Variants in HIRIP3 observed in about 807,000 individuals in gnomAD.
The protein encoded by HIRIP3 is HIRA-interacting protein 3.
Under a neutral mutation model 50.3 loss-of-function variants are expected in HIRIP3, and 40 were observed. That is an observed-to-expected ratio of 0.79 (90% CI 0.62 to 1.03). The LOEUF (loss-of-function observed/expected upper bound fraction) is 1.03, where lower values mean the gene tolerates loss of function less well. HIRIP3 is among the 50% of genes least tolerant of loss of function. HIRIP3 has a pLI of 0.00. For missense variants in HIRIP3, 765 were observed against 705.4 expected (o/e 1.08, Z -0.96); for synonymous variants, 318 against 261.6 (o/e 1.22, Z -2.08).
chr16:29,993,040 A>G lies in HIRIP3; in HGVS notation c.*167T>C, dbSNP rs988354173. ...CTTTATTGAGTCTTAAAAAATAAACACCTTAAAGGGACAGCGTGAAGCTGA... is the reference window on the plus strand; with the variant it reads ...CTTTATTGAGTCTTAAAAAATAAACGCCTTAAAGGGACAGCGTGAAGCTGA... On this transcript the variant is annotated 3_prime_UTR_variant, in exon 7 of 7. Transcript: ENST00000279392. 4.0e-6 allele frequency: 2 copies of G among 502,514 alleles called. No homozygotes were observed. The highest frequency in any genetic ancestry group is 6.6e-6 in the Non-Finnish European group (2 of 303,830). The allele number at this position is 502,514 out of a possible 1,614,324, so 31.1% of individuals were successfully genotyped here.
At position 29,995,452 on chromosome 16, in the gene HIRIP3, T is replaced by A; in HGVS notation, c.77A>T (p.His26Leu). The change falls in exon 2 of 7, where the codon CAT (histidine) becomes CTT (leucine). Residue 26 changes from histidine to leucine, a missense_variant. Physicochemically the swap from His to Leu is moderately conservative, Grantham distance 99 (BLOSUM62 -3). Coordinates refer to ENST00000279392, the MANE Select transcript of HIRIP3 (RefSeq NM_003609.5). ...RGRPDLSTLT[H>L]SIVRRRYLAH... ...TAAGTACCTCCGCCGCACGATGGAA[T>A]GCGTAAGCGTGCTGCAGGGACATGG... 6.2e-7 allele frequency: 1 copy of A among 1,613,498 alleles called. No homozygotes were observed. Among genetic ancestry groups the A allele is most frequent in the African/African-American group, 1.3e-5 (1 of 75,054 alleles).
Position 29,993,542 on chromosome 16 carries a change from C to A in HIRIP3, c.1424G>T (p.Gly475Val), listed in dbSNP as rs766935679. ...CTGCTCCTTCAGGGCCCGACACTTC[C>A]CTAGGGAAGGGGTACCTGGGGCAGA... ...ALGMKGTPSLGKCRALKEQRE... is the reference protein window; with the variant it reads ...ALGMKGTPSLVKCRALKEQRE... Residue 475 changes from glycine (G) to valine (V), a missense_variant, in exon 6 of 7, where the codon GGG (glycine) becomes GTG (valine). Coordinates refer to ENST00000279392, the MANE Select transcript of HIRIP3 (RefSeq NM_003609.5). The A allele has an allele frequency of 6.2e-7, 1 of 1,613,726 alleles. No individual in the cohort carries two copies. Among genetic ancestry groups the A allele is most frequent in the South Asian group, 1.1e-5 (1 of 91,078 alleles).
rs375295069 is a variant in HIRIP3, at chr16:29,995,135, T to C, written c.269A>G (p.Glu90Gly). 34 of 1,614,044 alleles carry C rather than the reference T, an allele frequency of 2.1e-5. No individual in the cohort carries two copies. Among genetic ancestry groups the C allele is most frequent in the Non-Finnish European group, 2.6e-5 (31 of 1,180,014 alleles). The part of the protein sequence containing the change: ...KRPPTPCSDP[E>G]RKRFRFNSES... The stretch of plus-strand genomic sequence containing the variant: ...TGAATTGAAGCGGAACCTTTTTCTC[T>C]CCGGGTCGCTACAAGGGGTGGGAGG... Residue 90 changes from glutamate (E) to glycine (G), a missense_variant, in exon 3 of 7, where the codon GAG (glutamate) becomes GGG (glycine). Coordinates refer to ENST00000279392, the MANE Select transcript of HIRIP3 (RefSeq NM_003609.5).
At chr16:29,995,254 G>T (rs1262910678) in intron 2 of HIRIP3, 37 bp from the exon 3 acceptor site, 2 of 1,613,454 alleles carry the variant, frequency 1.2e-6, no homozygotes, top group Admixed American at 1.7e-5. Flanking sequence ...ATGCACCAAG[G>T]CTGCGCTCAC....
Position 29,994,511 on chromosome 16 carries a change from C to T in HIRIP3, c.634G>A (p.Glu212Lys). The change falls in exon 4 of 7, where the codon GAG becomes AAG. Residue 212 changes from glutamate (E) to lysine (K), a missense_variant. Coordinates refer to ENST00000279392, the MANE Select transcript of HIRIP3 (RefSeq NM_003609.5). ...EPVQRTAKKV[E>K]GNKGTKSLKE... ...AGGCTTTTAGTTCCTTTATTTCCCTCCACCTTCTTTGCTGTCCTCTGAACG... is the reference window on the plus strand; with the variant it reads ...AGGCTTTTAGTTCCTTTATTTCCCTTCACCTTCTTTGCTGTCCTCTGAACG... 1 of 1,614,180 alleles carries T rather than the reference C, an allele frequency of 6.2e-7. No individual in the cohort carries two copies. Among genetic ancestry groups the T allele is most frequent in the Non-Finnish European group, 8.5e-7 (1 of 1,180,044 alleles).
At position 29,994,328 on chromosome 16, in the gene HIRIP3, C is replaced by T. The variant is rs183400729; in HGVS notation, c.817G>A (p.Glu273Lys). Residue 273 changes from glutamate (E) to lysine (K), a missense_variant, in exon 4 of 7, where the codon GAG becomes AAG. Transcript: ENST00000279392. Reference protein sequence around the residue: ...SNGRRKSAREERSCKQKSQAK... With the variant: ...SNGRRKSAREKRSCKQKSQAK... Reference sequence around the variant, plus strand: ...TGGCTTTTCTGCTTACAGCTCCTCTCCTCCCTAGCTGACTTTCTCCGGCCA... The same window carrying T: ...TGGCTTTTCTGCTTACAGCTCCTCTTCTCCCTAGCTGACTTTCTCCGGCCA... 1.2e-5 allele frequency: 20 copies of T among 1,614,174 alleles called. No individual in the cohort carries two copies. The Admixed American group carries it at 3.3e-4, about 27-fold the overall frequency.
intron 3 of HIRIP3, 79 bp downstream of exon 3, chr16:29,995,024 A>G: frequency 2.7e-6 from 4 of 1,509,328 alleles, no homozygotes; most frequent in Non-Finnish European, 3.7e-6. Flanking sequence ...ACGCCTGGGG[A>G]CATAAGAGAT....
chr16:29,993,528 G>A lies in HIRIP3; in HGVS notation c.1438C>T (p.Leu480=). ...GTPSLGKCRA[L]KEQREEAAEV... is the part of the protein sequence containing the mutation. The stretch of plus-strand genomic sequence containing the variant: ...GCTGCCTCCTCCCTCTGCTCCTTCA[G>A]GGCCCGACACTTCCCTAGGGAAGGG... Residue 480 remains leucine, a synonymous_variant, in exon 6 of 7, where the codon CTG becomes TTG. Coordinates refer to ENST00000279392, the MANE Select transcript of HIRIP3 (RefSeq NM_003609.5). The A allele has an allele frequency of 6.2e-7, 1 of 1,613,890 alleles. No individual in the cohort carries two copies. The highest frequency in any genetic ancestry group is 8.5e-7 in the Non-Finnish European group (1 of 1,179,874).
chr16:29,994,492 T>C lies in HIRIP3; in HGVS notation c.653A>G (p.Lys218Arg). The C allele has an allele frequency of 6.2e-7, 1 of 1,614,172 alleles. No homozygotes were observed. Among genetic ancestry groups the C allele is most frequent in the Non-Finnish European group, 8.5e-7 (1 of 1,180,036 alleles). Residue 218 changes from lysine to arginine, a missense_variant, in exon 4 of 7, where the codon AAA becomes AGA. Coordinates refer to ENST00000279392, the MANE Select transcript of HIRIP3 (RefSeq NM_003609.5). ...AKKVEGNKGT[K>R]SLKESEQESE... ...CTCCTGTTCACTTTCCTTCAGGCTT[T>C]TAGTTCCTTTATTTCCCTCCACCTT...
Position 29,995,477 on chromosome 16 carries a change from G to A in HIRIP3, c.66-14C>T. 1.2e-6 allele frequency: 2 copies of A among 1,613,756 alleles called. No homozygotes were observed. The highest frequency in any genetic ancestry group is 1.7e-6 in the Non-Finnish European group (2 of 1,179,908). On this transcript the variant is annotated splice_polypyrimidine_tract_variant and intron_variant, in intron 1 of 6. Coordinates refer to ENST00000279392, the MANE Select transcript of HIRIP3 (RefSeq NM_003609.5). ...TGCGTAAGCGTGCTGCAGGGACATG[G>A]TGTCAGGACGGAGTCCCGACCCACC...
At position 29,993,721 on chromosome 16, in the gene HIRIP3, T is replaced by C. The variant is rs562013780; in HGVS notation, c.1327A>G (p.Lys443Glu). The C allele has an allele frequency of 1.4e-5, 23 of 1,609,404 alleles. No homozygotes were observed. The South Asian group carries it at 2.2e-4, about 15-fold the overall frequency. The change falls in exon 5 of 7, where the codon AAG (lysine) becomes GAG (glutamate). Residue 443 changes from lysine (K) to glutamate (E), a missense_variant. Transcript: ENST00000279392. ...IRACGAHRNY[K>E]KLLGSCCSHK... is the part of the protein sequence containing the mutation. ...GAGCAACAGGAGCCCAACAGCTTCT[T>C]GTAGTTTCGATGGGCACCACAGGCC...
rs1340728350 is a variant in HIRIP3 at position 29,994,059 on chromosome 16, T to A, written c.1086A>T (p.Glu362Asp). ...MARLGSTSGEESDLEREVSDS... is the reference protein window; with the variant it reads ...MARLGSTSGEDSDLEREVSDS... ...CACTTACCTCCCTCTCCAAGTCACTTTCCTCACCACTGGTGCTGCCCAGTC... is the reference window on the plus strand; with the variant it reads ...CACTTACCTCCCTCTCCAAGTCACTATCCTCACCACTGGTGCTGCCCAGTC... The change falls in exon 4 of 7, where the codon GAA (glutamate) becomes GAT (aspartate). Residue 362 changes from glutamate (E) to aspartate (D), a missense_variant. By Grantham distance (45) the Glu-to-Asp change is conservative (BLOSUM62 2). Coordinates refer to ENST00000279392, the MANE Select transcript of HIRIP3 (RefSeq NM_003609.5). 6.2e-7 allele frequency: 1 copy of A among 1,612,612 alleles called. No homozygotes were observed.
chr16:29,994,256 C>T lies in HIRIP3; in HGVS notation c.889G>A (p.Glu297Lys). The change falls in exon 4 of 7, where the codon GAG becomes AAG. Residue 297 changes from glutamate (E) to lysine (K), a missense_variant. Coordinates refer to ENST00000279392, the MANE Select transcript of HIRIP3 (RefSeq NM_003609.5). ...GDSDSEEEQK[E>K]AASSGDDSGR... is the part of the protein sequence containing the mutation. Reference sequence around the variant, plus strand: ...CTGTCATCCCCACTGCTGGCTGCCTCTTTCTGCTCTTCCTCGCTGTCTGAG... The same window carrying T: ...CTGTCATCCCCACTGCTGGCTGCCTTTTTCTGCTCTTCCTCGCTGTCTGAG... 6.2e-7 allele frequency: 1 copy of T among 1,614,206 alleles called. No homozygotes were observed. Among genetic ancestry groups the T allele is most frequent in the Non-Finnish European group, 8.5e-7 (1 of 1,180,030 alleles).
At position 29,995,559 on chromosome 16, in the gene HIRIP3, CG is replaced by C; in HGVS notation, c.46del (p.Arg16GlufsTer19). ...TGGGCACCTGAGGTCCGGGCGGCCT[CG>C]GAAGAAGCTACGGGTGAACTCCTGC... ...EMQEFTRSFF[R>X]GRPDLSTLTH... On this transcript the variant is annotated frameshift_variant, in exon 1 of 7. Coordinates refer to ENST00000279392, the MANE Select transcript of HIRIP3 (RefSeq NM_003609.5). LOFTEE classifies it high-confidence loss of function. 6.2e-7 allele frequency: 1 copy of C among 1,612,872 alleles called. No homozygotes were observed. Among genetic ancestry groups the C allele is most frequent in the Non-Finnish European group, 8.5e-7 (1 of 1,180,028 alleles).
rs1567258348 is a variant in HIRIP3, at chr16:29,993,372, TA to T, written c.1508-3del. 1.3e-6 allele frequency: 2 copies of T among 1,559,222 alleles called. No individual in the cohort carries two copies. The highest frequency in any genetic ancestry group is 1.2e-5 in the South Asian group (1 of 83,752). On this transcript the variant is annotated splice_region_variant and splice_polypyrimidine_tract_variant and intron_variant, in intron 6 of 6. Coordinates refer to ENST00000279392, the MANE Select transcript of HIRIP3 (RefSeq NM_003609.5). ...AGGCTGTACGTCTGCGTGGCCGGCC[TA>T]GGGGAAAGGGGAAACGAGAGATCAG...
rs1398381003 is a variant in HIRIP3 at position 29,994,689 on chromosome 16, G to A, written c.456C>T (p.Pro152=). 1.9e-5 allele frequency: 30 copies of A among 1,613,892 alleles called. No individual in the cohort carries two copies. Among genetic ancestry groups the A allele is most frequent in the African/African-American group, 1.3e-5 (1 of 74,858 alleles). Residue 152 remains proline (P), a synonymous_variant, in exon 4 of 7, where the codon CCC becomes CCT. Coordinates refer to ENST00000279392, the MANE Select transcript of HIRIP3 (RefSeq NM_003609.5). ...CACTGCTCTCCTCTCCCCTCTGTGC[G>A]GGCAGGTCCCTCTGCCGTTCCTCAT... is the stretch of plus-strand genomic sequence containing the variant. The part of the protein sequence containing the change: ...SSDEERQRDL[P]AQRGEESSEE...
At chr16:29,996,037 A>T (rs192213643), upstream of HIRIP3, 1 of 589,816 alleles carries the variant, frequency 1.7e-6, no homozygotes, top group African/African-American at 1.9e-5. Flanking sequence ...AGTACATTAG[A>T]GTCAGGAACG....
chr16:29,995,425 G>A lies in HIRIP3; in HGVS notation c.104C>T (p.Ala35Val). The change falls in exon 2 of 7, where the codon GCT (alanine) becomes GTT (valine). Residue 35 changes from alanine (A) to valine (V), a missense_variant. Coordinates refer to ENST00000279392, the MANE Select transcript of HIRIP3 (RefSeq NM_003609.5). ...CTCCAGGTGGCTGCGGCCCGAGTGA[G>A]CTAAGTACCTCCGCCGCACGATGGA... ...THSIVRRRYL[A>V]HSGRSHLEPE... 3 of 1,613,824 alleles carry A rather than the reference G, an allele frequency of 1.9e-6. No homozygotes were observed. Among genetic ancestry groups the A allele is most frequent in the Non-Finnish European group, 1.7e-6 (2 of 1,179,928 alleles).
In HIRIP3 at chr16:29,994,435, T is replaced by C. The variant is rs2070039366; in HGVS notation, c.710A>G (p.Glu237Gly). Residue 237 changes from glutamate (E) to glycine (G), a missense_variant, in exon 4 of 7, where the codon GAG (glutamate) becomes GGG (glycine). Physicochemically the swap from Glu to Gly is moderately conservative, Grantham distance 98. Transcript: ENST00000279392. ...SEEEILAQKK[E>G]QREEEVEEEE... is the part of the protein sequence containing the mutation. Reference sequence around the variant, plus strand: ...CTCCTCCACTTCCTCCTCTCTCTGCTCTTTCTTCTGGGCTAGGATCTCCTC... The same window carrying C: ...CTCCTCCACTTCCTCCTCTCTCTGCCCTTTCTTCTGGGCTAGGATCTCCTC... The C allele has an allele frequency of 6.2e-7, 1 of 1,613,832 alleles. No homozygotes were observed. Among genetic ancestry groups the C allele is most frequent in the South Asian group, 1.1e-5 (1 of 91,074 alleles).
Sources: allele counts gnomAD v4.1 joint callset, GRCh38; gene constraint gnomAD v4.1.1; transcripts MANE v1.5; gene names NCBI Gene and HGNC (gene_info 2026-07-23, HGNC 2026-07-21).